The following CELF2 variants were observed in gnomAD, a reference collection of about 807,000 sequenced individuals.
CELF2 encodes CUG triplet repeat RNA-binding protein 2.
Under a neutral mutation model 62.6 loss-of-function variants are expected in CELF2, and 8 were observed. The ratio of observed to expected loss-of-function variants is 0.13; its 90% CI spans 0.07 to 0.23. CELF2 has a LOEUF of 0.23. Among genes scored for constraint, CELF2 ranks in the 10% least tolerant of loss-of-function variants. The pLI, the probability that CELF2 is intolerant of heterozygous loss-of-function variation, is 1.00. For synonymous variants in CELF2, 258 were observed against 250.0 expected (o/e 1.03, Z -0.30); for missense variants, 333 against 671.0 (o/e 0.50, Z 5.56).
intron 4 of CELF2, among the ~76,000 whole-genome samples, chr10:11,249,622 T>C (rs2076566756): frequency 6.6e-6 from 1 of 152,216 alleles, no homozygotes; most frequent in Non-Finnish European, 1.5e-5. Flanking sequence ...TTTTTGTTTT[T>C]TTACCTTTTG....
the CELF2 span, among the ~76,000 whole-genome samples, chr10:10,690,015 C>G: frequency 2.0e-5 from 3 of 152,202 alleles, no homozygotes; most frequent in African/African-American, 7.2e-5. Context: ...GAGGTTTAAA[C>G]TGATGACCAT....
intron 1 of CELF2, among the ~76,000 whole-genome samples, chr10:11,089,626 A>G (rs1473067414): frequency 3.9e-5 from 6 of 152,214 alleles, no homozygotes; most frequent in Admixed American, 2.6e-4. Flanking sequence ...CAGAAGCCAG[A>G]TGGCAATTGC....
At position 11,331,966 on chromosome 10, in the gene CELF2, G is replaced by A. The variant is rs532147301; in HGVS notation, c.*2913G>A. 5.3e-5 allele frequency: 8 copies of A among 152,034 alleles called. No homozygotes were observed. The highest frequency in any genetic ancestry group is 1.9e-4 in the East Asian group (1 of 5,192). The allele number at this position is 152,034 out of a possible 1,614,324, so 9.4% of individuals were successfully genotyped here. A position where few individuals can be genotyped will look rare whatever the true frequency, so the allele number is the denominator to read the frequency against. The stretch of plus-strand genomic sequence containing the variant: ...CTGCATCTATCCTCTAAGTTGTTTC[G>A]GTTTGACTACTTTGTTCTTTGGTTA... On this transcript the variant is annotated 3_prime_UTR_variant, in exon 13 of 13. Transcript: ENST00000633077.
chr10:11,296,959 C>A lies in CELF2; in HGVS notation c.976+8407C>A, dbSNP rs572174652. 1.3e-5 allele frequency among the ~76,000 whole-genome samples: 2 copies of A among 152,268 alleles called. No individual in the cohort carries two copies. Among genetic ancestry groups the A allele is most frequent in the South Asian group, 4.1e-4 (2 of 4,820 alleles). ...TGGACATATGGAAAAGGATGCCCAC[C>A]GGGGACCCTGAGAGCCGGGGCTCAG... is the stretch of plus-strand genomic sequence containing the variant. On this transcript the variant is annotated intron_variant, in intron 9 of 12. Transcript: ENST00000633077. The surrounding 1 kb of genome is among the most constrained non-coding windows in gnomAD (Gnocchi z 5.0).
In CELF2 at chr10:10,928,829, A is replaced by T. The variant is rs558698367; in HGVS notation, c.89+8830A>T. On this transcript the variant is annotated intron_variant, in intron 2 of 13. Transcript: ENST00000636488. The surrounding 1 kb of genome is among the most constrained non-coding windows in gnomAD (Gnocchi z 4.8). ...CTCCGCTAAGTAGGAAACACACTAA[A>T]ATCCTATTACTATTTGTTGTTTGTC... Among the ~76,000 whole-genome samples, 1 of 152,246 alleles carries T rather than the reference A, an allele frequency of 6.6e-6. No homozygotes were observed. Among genetic ancestry groups the T allele is most frequent in the East Asian group, 1.9e-4 (1 of 5,188 alleles).
intron 5 of CELF2, among the ~76,000 whole-genome samples, chr10:11,261,139 A>G (rs1411459760): frequency 6.6e-6 from 1 of 152,210 alleles, no homozygotes; most frequent in Non-Finnish European, 1.5e-5. Flanking sequence ...GGTGAGGGAG[A>G]GGGTGCAGCT....
At chr10:11,180,722 T>G (rs1476541097) in intron 2 of CELF2, among the ~76,000 whole-genome samples, 1 of 152,218 alleles carries the variant, frequency 6.6e-6, no homozygotes, top group Non-Finnish European at 1.5e-5. Context: ...AAGGGCTGAC[T>G]ATACATTATC....
At chr10:10,570,384 C>G in the CELF2 span, among the ~76,000 whole-genome samples, 1 of 152,160 alleles carries the variant, frequency 6.6e-6, no homozygotes, top group Non-Finnish European at 1.5e-5. Flanking sequence ...AACTTAACAA[C>G]CAATATTTAT....
chr10:10,650,812 C>A, the CELF2 span, among the ~76,000 whole-genome samples: 10 of 152,148 alleles, frequency 6.6e-5, no homozygotes, highest in Non-Finnish European at 1.5e-4. Flanking sequence ...TCTGACCCAG[C>A]GATTCCACTC....
At chr10:10,810,574 G>A (rs1254168050) in intron 1 of CELF2, among the ~76,000 whole-genome samples, 3 of 152,088 alleles carry the variant, frequency 2.0e-5, no homozygotes, top group Non-Finnish European at 2.9e-5. Context: ...TCCAGCAGAG[G>A]GAAGAGAGAA....
chr10:11,298,212 G>T (rs2093380167), intron 9 of CELF2, among the ~76,000 whole-genome samples: 1 of 152,238 alleles, frequency 6.6e-6, no homozygotes, highest in Non-Finnish European at 1.5e-5. Flanking sequence ...CCTGTGGCGA[G>T]GGGGATGCTG....
chr10:11,170,505 G>A (rs2068522509), intron 2 of CELF2, among the ~76,000 whole-genome samples: 1 of 152,164 alleles, frequency 6.6e-6, no homozygotes, highest in Non-Finnish European at 1.5e-5. Flanking sequence ...GTTGTGGACT[G>A]TTTATCCCTG....
chr10:10,656,056 C>T, the CELF2 span, among the ~76,000 whole-genome samples: 8 of 149,986 alleles, frequency 5.3e-5, no homozygotes, highest in Non-Finnish European at 8.9e-5. Flanking sequence ...AAAAAGTGGG[C>T]GAAGGACATG....
the CELF2 span, among the ~76,000 whole-genome samples, chr10:10,528,601 C>T: frequency 2.0e-5 from 3 of 152,174 alleles, no homozygotes; most frequent in Admixed American, 6.5e-5. Flanking sequence ...CTCAACAGAT[C>T]CCCAGCCCAC....
the CELF2 span, among the ~76,000 whole-genome samples, chr10:10,698,277 C>T: frequency 6.6e-6 from 1 of 152,132 alleles, no homozygotes; most frequent in South Asian, 2.1e-4. Context: ...ATTAATAGCA[C>T]TCAGATTGGT....
chr10:10,554,751 T>C, the CELF2 span, among the ~76,000 whole-genome samples: 2 of 152,216 alleles, frequency 1.3e-5, no homozygotes, highest in African/African-American at 2.4e-5. Flanking sequence ...TTAAGTTCAC[T>C]GTGTTTGCCT....
At chr10:10,721,807 G>A in the CELF2 span, among the ~76,000 whole-genome samples, 2 of 152,104 alleles carry the variant, frequency 1.3e-5, no homozygotes, top group African/African-American at 2.4e-5. Flanking sequence ...AGCTCCTTCT[G>A]ATCACTTTAC....
chr10:10,528,949 G>A, the CELF2 span, among the ~76,000 whole-genome samples: 4 of 152,100 alleles, frequency 2.6e-5, no homozygotes, highest in Non-Finnish European at 5.9e-5. Flanking sequence ...TTTTATTTCC[G>A]CTATGTAAAA....
At chr10:10,618,775 G>C in the CELF2 span, among the ~76,000 whole-genome samples, 3 of 152,038 alleles carry the variant, frequency 2.0e-5, no homozygotes, top group Non-Finnish European at 2.9e-5. Flanking sequence ...TAAAAGTAGA[G>C]GTTTGATAGG....
Sources: allele counts gnomAD v4.1 joint callset (sites outside exome capture counted in the v4.1 genomes callset), GRCh38; gene constraint gnomAD v4.1.1; non-coding constraint Gnocchi (gnomAD v3.1); transcripts MANE v1.5; gene names NCBI Gene and HGNC (gene_info 2026-07-23, HGNC 2026-07-21).